The following PPP3R1 variants were observed in gnomAD, a reference collection of about 807,000 sequenced individuals.
PPP3R1 encodes protein phosphatase 3 regulatory subunit B, alpha.
A neutral mutation model predicts 22.6 loss-of-function variants in PPP3R1; 5 were observed. That is an observed-to-expected ratio of 0.22 (90% CI 0.12 to 0.46). The LOEUF (loss-of-function observed/expected upper bound fraction) is 0.46, where lower values mean the gene tolerates loss of function less well. Ranked by LOEUF, PPP3R1 falls within the 20% of genes least tolerant of loss-of-function variation. The pLI, the probability that PPP3R1 is intolerant of heterozygous loss-of-function variation, is 0.99. For synonymous variants in PPP3R1, 56 were observed against 65.2 expected (o/e 0.86, Z 0.68); for missense variants, 61 against 203.2 (o/e 0.30, Z 4.25).
intron 1 of PPP3R1, among the ~76,000 whole-genome samples, chr2:68,250,152 GAA>G (rs1330746547): frequency 2.1e-5 from 3 of 144,002 alleles, no homozygotes; most frequent in African/African-American, 7.6e-5. Context: ...GATGAAAGAG[GAA>G]AAAAAAAAAC....
intron 2 of PPP3R1, among the ~76,000 whole-genome samples, chr2:68,195,222 CTT>C (rs1401971424): frequency 6.6e-6 from 1 of 152,232 alleles, no homozygotes; most frequent in East Asian, 1.9e-4. Context: ...TGTGACAACT[CTT>C]GATTGATTGT....
At chr2:68,242,171 G>T (rs575598763) in intron 1 of PPP3R1, among the ~76,000 whole-genome samples, 1 of 152,220 alleles carries the variant, frequency 6.6e-6, no homozygotes, top group African/African-American at 2.4e-5. Flanking sequence ...GCTCACGCGT[G>T]TAATACCAGC....
intron 1 of PPP3R1, among the ~76,000 whole-genome samples, chr2:68,242,732 A>G (rs1297970045): frequency 6.6e-6 from 1 of 152,176 alleles, no homozygotes; most frequent in Non-Finnish European, 1.5e-5. Flanking sequence ...ATACTAGACA[A>G]TGCCAGCATA....
intron 2 of PPP3R1, among the ~76,000 whole-genome samples, chr2:68,211,719 T>C (rs967445714): frequency 1.3e-5 from 2 of 152,254 alleles, no homozygotes; most frequent in African/African-American, 4.8e-5. Context: ...GCCAAGTTTA[T>C]GGAATATTCT....
chr2:68,183,451 A>G (rs1440201545), intron 5 of PPP3R1, among the ~76,000 whole-genome samples: 1 of 152,212 alleles, frequency 6.6e-6, no homozygotes, highest in Non-Finnish European at 1.5e-5. Context: ...TTTACAGACT[A>G]TGCTAGATGC....
intron 2 of PPP3R1, among the ~76,000 whole-genome samples, chr2:68,212,130 G>A (rs996000900): frequency 6.6e-6 from 1 of 152,166 alleles, no homozygotes; most frequent in Non-Finnish European, 1.5e-5. Context: ...GCCCAGGCTG[G>A]AGCGCAGTAG....
chr2:68,195,256 T>C (rs532705524), intron 2 of PPP3R1, among the ~76,000 whole-genome samples: 1 of 152,314 alleles, frequency 6.6e-6, no homozygotes, highest in South Asian at 2.1e-4. Flanking sequence ...TTGAAACTTA[T>C]GATCCAGTAT....
intron 1 of PPP3R1, among the ~76,000 whole-genome samples, chr2:68,235,085 T>C (rs533500420): frequency 1.3e-5 from 2 of 152,100 alleles, no homozygotes; most frequent in African/African-American, 4.8e-5. Context: ...CGAGAAAGAT[T>C]TGAGTTAGCA....
intron 4 of PPP3R1, 102 bp downstream of exon 4, chr2:68,187,153 G>T: frequency 1.0e-6 from 1 of 988,932 alleles, no homozygotes; most frequent in Non-Finnish European, 1.5e-6. Context: ...CTAAGGATCT[G>T]GAATAAAAGA....
chr2:68,193,357 A>C (rs950875365), intron 2 of PPP3R1, among the ~76,000 whole-genome samples: 1 of 152,018 alleles, frequency 6.6e-6, no homozygotes, highest in Non-Finnish European at 1.5e-5. Context: ...CTTTTCTCCA[A>C]CCACTCATTT....
At chr2:68,198,221 T>C (rs1453814951) in intron 2 of PPP3R1, among the ~76,000 whole-genome samples, 4 of 126,828 alleles carry the variant, frequency 3.2e-5, no homozygotes, top group Admixed American at 8.3e-5. Context: ...CATATATACA[T>C]TTTACATATA....
chr2:68,212,122 C>T (rs1351857238), intron 2 of PPP3R1, among the ~76,000 whole-genome samples: 1 of 152,180 alleles, frequency 6.6e-6, no homozygotes, highest in African/African-American at 2.4e-5. Context: ...GCTCTGTCGC[C>T]CAGGCTGGAG....
chr2:68,236,782 T>C (rs1258024103), intron 1 of PPP3R1, among the ~76,000 whole-genome samples: 1 of 152,164 alleles, frequency 6.6e-6, no homozygotes. Flanking sequence ...AAAACTTAAA[T>C]GCCAGAGTAA....
chr2:68,246,062 TC>T (rs1558645742), intron 1 of PPP3R1, among the ~76,000 whole-genome samples: 4 of 140,752 alleles, frequency 2.8e-5, no homozygotes, highest in Non-Finnish European at 6.0e-5. Context: ...ACTTTTTCTT[TC>T]TTTCTTTTTT....
chr2:68,219,546 A>G (rs1003047418), intron 1 of PPP3R1, among the ~76,000 whole-genome samples: 3 of 152,180 alleles, frequency 2.0e-5, no homozygotes, highest in Non-Finnish European at 4.4e-5. Flanking sequence ...CCTGAACCTA[A>G]TGCATAATTA....
intron 1 of PPP3R1, among the ~76,000 whole-genome samples, chr2:68,219,100 C>T (rs1669636161): frequency 6.6e-6 from 1 of 152,102 alleles, no homozygotes; most frequent in Non-Finnish European, 1.5e-5. Context: ...TCCCACCTGC[C>T]TTCAGAATAA....
At chr2:68,219,877 A>T (rs1377982688) in intron 1 of PPP3R1, among the ~76,000 whole-genome samples, 3 of 152,256 alleles carry the variant, frequency 2.0e-5, no homozygotes, top group Non-Finnish European at 4.4e-5. Flanking sequence ...TGACCAAGTT[A>T]CTGACAAGAT....
At chr2:68,245,535 A>T (rs1670219101) in intron 1 of PPP3R1, among the ~76,000 whole-genome samples, 1 of 152,188 alleles carries the variant, frequency 6.6e-6, no homozygotes, top group Non-Finnish European at 1.5e-5. Context: ...TTTATTTGTA[A>T]TGTGCTATCT....
chr2:68,181,624 A>G (rs957053908), intron 5 of PPP3R1, among the ~76,000 whole-genome samples: 3 of 145,532 alleles, frequency 2.1e-5, no homozygotes, highest in East Asian at 4.0e-4. Flanking sequence ...ACAACACTTC[A>G]GGTAAAAACG....
Sources: gnomAD v4.1 joint callset for allele counts (sites outside exome capture counted in the v4.1 genomes callset) on GRCh38, gnomAD v4.1.1 for gene constraint, MANE v1.5 for transcripts, NCBI Gene and HGNC (gene_info 2026-07-23, HGNC 2026-07-21) for gene names.